IGSF11: variants seen among roughly 807,000 people sequenced by gnomAD.
IGSF11 encodes immunoglobulin superfamily member 11.
A neutral mutation model predicts 41.0 loss-of-function variants in IGSF11; 22 were observed. That is an observed-to-expected ratio of 0.54 (90% CI 0.38 to 0.77). The LOEUF is 0.77. IGSF11 is among the 30% of genes least tolerant of loss of function. IGSF11 has a pLI of 0.00. For missense variants in IGSF11, 444 were observed against 530.8 expected (o/e 0.84, Z 1.61); for synonymous variants, 219 against 201.3 (o/e 1.09, Z -0.74).
At chr3:119,031,034 A>C (rs1384379449) in intron 1 of IGSF11, among the ~76,000 whole-genome samples, 1 of 152,130 alleles carries the variant, frequency 6.6e-6, no homozygotes, top group East Asian at 1.9e-4. Context: ...GGGTGAGCAA[A>C]TCACTTGAGG....
chr3:118,914,887 C>A (rs888654827), intron 4 of IGSF11, among the ~76,000 whole-genome samples: 1 of 131,322 alleles, frequency 7.6e-6, no homozygotes, highest in Non-Finnish European at 1.6e-5. Flanking sequence ...CAGTGGTTCT[C>A]CCAGCACGCA....
At chr3:118,976,950 G>A (rs1367992269) in intron 1 of IGSF11, among the ~76,000 whole-genome samples, 1 of 151,996 alleles carries the variant, frequency 6.6e-6, no homozygotes, top group East Asian at 1.9e-4. Flanking sequence ...ACTTCTGTAG[G>A]AAAAAAAGAG....
In IGSF11 at chr3:119,112,491, G is replaced by T. The variant is rs188436568; in HGVS notation, c.-13-7286C>A. ...GGAGTGACCCGATTTTCCAGGTGCC[G>T]TCTGTCACCCCTTTCCTTGACCAGG... On this transcript the variant is annotated intron_variant, in intron 1 of 7. Transcript: ENST00000425327. Among the ~76,000 whole-genome samples the T allele has an allele frequency of 8.8e-4, 134 of 152,250 alleles. 2 individuals are homozygous for T. The highest frequency in any genetic ancestry group is 2.3e-3 in the African/African-American group (95 of 41,534).
chr3:118,917,934 G>A (rs1576360742), intron 4 of IGSF11, among the ~76,000 whole-genome samples: 1 of 123,860 alleles, frequency 8.1e-6, no homozygotes, highest in East Asian at 2.5e-4. Context: ...TCATCCCTGG[G>A]ATGCAAGGCT....
At chr3:119,109,804 G>A (rs1576811206), upstream of IGSF11, among the ~76,000 whole-genome samples, 1 of 152,110 alleles carries the variant, frequency 6.6e-6, no homozygotes, top group East Asian at 1.9e-4. Context: ...TGTTCTCGTT[G>A]GTTTCAAAGA....
chr3:118,990,274 G>A (rs1935664385), intron 1 of IGSF11, among the ~76,000 whole-genome samples: 1 of 152,184 alleles, frequency 6.6e-6, no homozygotes, highest in African/African-American at 2.4e-5. Flanking sequence ...GACCAGTTGT[G>A]AACATACTGA....
At chr3:119,110,400 C>A (rs985352892) in intron 1 of IGSF11, among the ~76,000 whole-genome samples, 5 of 152,158 alleles carry the variant, frequency 3.3e-5, no homozygotes, top group Non-Finnish European at 7.3e-5. Flanking sequence ...TTATCAGAGA[C>A]TAGGATTACA....
At chr3:118,982,060 C>A (rs1934778912) in intron 1 of IGSF11, 1 of 152,270 alleles carries the variant, frequency 6.6e-6, no homozygotes, top group African/African-American at 2.4e-5. Flanking sequence ...ATCTCATACA[C>A]TGGACACAAG....
chr3:119,072,940 A>T (rs975764485), intron 1 of IGSF11, among the ~76,000 whole-genome samples: 1 of 152,122 alleles, frequency 6.6e-6, no homozygotes, highest in Non-Finnish European at 1.5e-5. Flanking sequence ...CCGGGTGCTG[A>T]TTGGTGCATT....
At chr3:118,936,846 T>TA (rs564930969) in intron 1 of IGSF11, among the ~76,000 whole-genome samples, 173 of 152,232 alleles carry the variant, frequency 1.1e-3, no homozygotes, top group African/African-American at 4.0e-3. Flanking sequence ...AAAGAATCTT[T>TA]AAAAATCCTA....
intron 1 of IGSF11, among the ~76,000 whole-genome samples, chr3:119,065,585 G>A (rs1942200012): frequency 6.6e-6 from 1 of 152,064 alleles, no homozygotes; most frequent in Non-Finnish European, 1.5e-5. Flanking sequence ...CTGAGGTCAG[G>A]AGGTTGAGAC....
chr3:118,905,851 G>A, intron 4 of IGSF11, 133 bp from the exon 5 acceptor site: 2 of 938,654 alleles, frequency 2.1e-6, no homozygotes, highest in Non-Finnish European at 3.1e-6. Flanking sequence ...GGGGTAGGGT[G>A]AGAAATTATT....
At chr3:118,916,567 T>C (rs901091175) in intron 4 of IGSF11, among the ~76,000 whole-genome samples, 15 of 151,222 alleles carry the variant, frequency 9.9e-5, no homozygotes, top group Non-Finnish European at 1.8e-4. Flanking sequence ...CTATCCTAAA[T>C]ATATATGCAC....
chr3:119,061,963 T>G (rs1295256182), intron 1 of IGSF11, among the ~76,000 whole-genome samples: 1 of 152,160 alleles, frequency 6.6e-6, no homozygotes, highest in African/African-American at 2.4e-5. Context: ...TTTGCTTAAT[T>G]TCAACTGTGC....
chr3:119,044,316 A>T (rs61049435), intron 1 of IGSF11, among the ~76,000 whole-genome samples: 3,772 of 152,246 alleles, frequency 0.025, 150 homozygotes, highest in African/African-American at 0.086. Flanking sequence ...AGAACTTCAG[A>T]GCTTGAAGAT....
intron 1 of IGSF11, among the ~76,000 whole-genome samples, chr3:119,123,369 C>T (rs1487073129): frequency 2.0e-5 from 3 of 152,204 alleles, no homozygotes; most frequent in South Asian, 2.1e-4. Context: ...TTTTTTACTC[C>T]AGTCCCTGGT....
At chr3:119,080,561 C>T (rs1049389469) in intron 1 of IGSF11, among the ~76,000 whole-genome samples, 21 of 152,138 alleles carry the variant, frequency 1.4e-4, no homozygotes, top group African/African-American at 5.1e-4. Context: ...AGAGGAGGGG[C>T]AGAAGCCTGA....
At chr3:119,084,671 G>A (rs570613898) in intron 1 of IGSF11, among the ~76,000 whole-genome samples, 36 of 152,348 alleles carry the variant, frequency 2.4e-4, no homozygotes, top group African/African-American at 8.7e-4. Context: ...CAGGGCTCCT[G>A]TCTGGCTGCC....
upstream of IGSF11, among the ~76,000 whole-genome samples, chr3:119,038,559 C>T (rs1940998043): frequency 6.6e-6 from 1 of 152,076 alleles, no homozygotes; most frequent in African/African-American, 2.4e-5. Flanking sequence ...AACATTGTAA[C>T]GAAATGCTAC....
Sources: gnomAD v4.1 joint callset for allele counts (sites outside exome capture counted in the v4.1 genomes callset) on GRCh38, gnomAD v4.1.1 for gene constraint, MANE v1.5 for transcripts, NCBI Gene and HGNC (gene_info 2026-07-23, HGNC 2026-07-21) for gene names.